Variants in ARHGAP44 observed in about 807,000 individuals in gnomAD.
ARHGAP44 encodes the protein Rho GTPase activating protein 44.
Under a neutral mutation model 106.8 loss-of-function variants are expected in ARHGAP44, and 43 were observed. The ratio of observed to expected loss-of-function variants is 0.40; its 90% CI spans 0.32 to 0.52. The LOEUF is 0.52. Ranked by LOEUF, ARHGAP44 falls within the 20% of genes least tolerant of loss-of-function variation. The pLI is 0.48. For synonymous variants in ARHGAP44, 439 were observed against 410.3 expected (o/e 1.07, Z -0.85); for missense variants, 866 against 1,050.5 (o/e 0.82, Z 2.43).
chr17:12,847,512 CTT>C (rs58514182), intron 1 of ARHGAP44, among the ~76,000 whole-genome samples: 3 of 125,470 alleles, frequency 2.4e-5, no homozygotes, highest in Admixed American at 8.2e-5. Context: ...TACCATCACT[CTT>C]TTTTTTTTTT....
chr17:12,930,739 G>C (rs1029864895), intron 7 of ARHGAP44, among the ~76,000 whole-genome samples: 2 of 152,208 alleles, frequency 1.3e-5, no homozygotes, highest in Non-Finnish European at 2.9e-5. Context: ...TGCCAAAAAT[G>C]TATTCATTTC....
At chr17:12,913,967 T>G (rs1484372287) in intron 4 of ARHGAP44, among the ~76,000 whole-genome samples, 1 of 12,722 alleles carries the variant, frequency 7.9e-5, no homozygotes, top group Non-Finnish European at 1.9e-4. Context: ...AGATTTTGTC[T>G]CAAAAAAAAA....
intron 7 of ARHGAP44, among the ~76,000 whole-genome samples, chr17:12,930,660 A>G (rs2038373140): frequency 6.6e-6 from 1 of 152,184 alleles, no homozygotes; most frequent in African/African-American, 2.4e-5. Flanking sequence ...CTGGATGTGA[A>G]TATCCAAATA....
At chr17:12,889,245 TG>T (rs1317787096) in intron 1 of ARHGAP44, among the ~76,000 whole-genome samples, 1 of 152,258 alleles carries the variant, frequency 6.6e-6, no homozygotes, top group Non-Finnish European at 1.5e-5. Flanking sequence ...GTATTTCTTG[TG>T]TTTGTCTTGT....
At chr17:12,838,780 T>C (rs2035311656) in intron 1 of ARHGAP44, among the ~76,000 whole-genome samples, 1 of 152,158 alleles carries the variant, frequency 6.6e-6, no homozygotes, top group African/African-American at 2.4e-5. Flanking sequence ...CAAGCGATTC[T>C]CCTGCCTCAG....
At chr17:12,907,422 A>G (rs1029982608) in intron 3 of ARHGAP44, among the ~76,000 whole-genome samples, 2 of 152,166 alleles carry the variant, frequency 1.3e-5, no homozygotes, top group Admixed American at 1.3e-4. Flanking sequence ...TAGTTCCAGA[A>G]CGTTTCCATC....
In ARHGAP44 at chr17:12,974,072, T is replaced by C; in HGVS notation, c.1542-17T>C. 1.3e-6 allele frequency: 2 copies of C among 1,554,760 alleles called. No homozygotes were observed. Among genetic ancestry groups the C allele is most frequent in the Non-Finnish European group, 1.7e-6 (2 of 1,148,738 alleles). On this transcript the variant is annotated splice_polypyrimidine_tract_variant and intron_variant, in intron 17 of 20. Transcript: ENST00000379672. ...CTGTTACGCGTGGGTAAGCGGTGTC[T>C]TTGTGTCCCTCGCCAGCATGGGTGT...
chr17:12,865,737 C>T (rs1023328712), intron 1 of ARHGAP44, among the ~76,000 whole-genome samples: 2 of 147,294 alleles, frequency 1.4e-5, no homozygotes, highest in African/African-American at 5.0e-5. Flanking sequence ...TGCAATGAGC[C>T]GAGATTGTGC....
chr17:12,914,082 C>T lies in ARHGAP44; in HGVS notation c.276-1818C>T, dbSNP rs571453360. Among the ~76,000 whole-genome samples the T allele has an allele frequency of 4.6e-5, 7 of 151,716 alleles. No homozygotes were observed. The East Asian group carries it at 9.7e-4, about 21-fold the overall frequency. On this transcript the variant is annotated intron_variant, in intron 4 of 20. Coordinates refer to ENST00000379672, the MANE Select transcript of ARHGAP44 (RefSeq NM_014859.6). ...AAGAGTGAAAATCTGCCTTCACACA[C>T]GTGTGTATATGAAGTTCCTACAAAT...
intron 1 of ARHGAP44, among the ~76,000 whole-genome samples, chr17:12,829,177 T>A (rs991472773): frequency 6.6e-6 from 1 of 152,134 alleles, no homozygotes; most frequent in South Asian, 2.1e-4. Context: ...CCAAACTACC[T>A]GTTCTTCCTA....
intron 1 of ARHGAP44, among the ~76,000 whole-genome samples, chr17:12,868,198 T>C (rs2036290084): frequency 6.6e-6 from 1 of 152,154 alleles, no homozygotes; most frequent in South Asian, 2.1e-4. Flanking sequence ...GTAGATGCCA[T>C]CTTCTCTCTG....
chr17:12,825,140 G>C (rs534179374), intron 1 of ARHGAP44, among the ~76,000 whole-genome samples: 1 of 152,078 alleles, frequency 6.6e-6, no homozygotes, highest in African/African-American at 2.4e-5. Flanking sequence ...AGGCTAAAGT[G>C]ATCCTCCTAC....
chr17:12,828,123 G>A (rs942914271), intron 1 of ARHGAP44, among the ~76,000 whole-genome samples: 6 of 150,834 alleles, frequency 4.0e-5, no homozygotes, highest in African/African-American at 9.8e-5. Flanking sequence ...ATATTTGACC[G>A]TATTTTTGCC....
intron 1 of ARHGAP44, among the ~76,000 whole-genome samples, chr17:12,868,845 A>G (rs1266492413): frequency 1.3e-5 from 2 of 151,118 alleles, no homozygotes; most frequent in Admixed American, 6.6e-5. Flanking sequence ...TTTAGTAGAG[A>G]CAGGGTCTCA....
intron 1 of ARHGAP44, among the ~76,000 whole-genome samples, chr17:12,870,110 G>A (rs566889520): frequency 2.1e-5 from 3 of 145,430 alleles, no homozygotes; most frequent in Middle Eastern, 3.5e-3. Flanking sequence ...GTGCAGTGGC[G>A]TGATCTCAGC....
At chr17:12,905,517 C>T (rs2037521027) in intron 3 of ARHGAP44, among the ~76,000 whole-genome samples, 1 of 152,192 alleles carries the variant, frequency 6.6e-6, no homozygotes, top group South Asian at 2.1e-4. Flanking sequence ...CCTCATGTTC[C>T]TCCAGTGGCC....
intron 18 of ARHGAP44, among the ~76,000 whole-genome samples, chr17:12,976,977 CCATATGGTATTTGG>C: frequency 6.6e-6 from 1 of 151,968 alleles, no homozygotes; most frequent in East Asian, 2.0e-4. Flanking sequence ...GGACTCAGTG[CCATATGGTATTTGG>C]CATATAAATG....
intron 16 of ARHGAP44, among the ~76,000 whole-genome samples, chr17:12,965,346 A>G (rs1388032157): frequency 6.6e-6 from 1 of 152,086 alleles, no homozygotes; most frequent in East Asian, 1.9e-4. Context: ...AGCAACCCGA[A>G]TGGTCTATGG....
chr17:12,931,658 G>A (rs544723877), intron 7 of ARHGAP44, among the ~76,000 whole-genome samples: 7 of 151,848 alleles, frequency 4.6e-5, no homozygotes, highest in South Asian at 4.2e-4. Flanking sequence ...CACCACGCCC[G>A]GCTAATTTTT....
Sources: allele counts gnomAD v4.1 joint callset (sites outside exome capture counted in the v4.1 genomes callset), GRCh38; gene constraint gnomAD v4.1.1; transcripts MANE v1.5; gene names NCBI Gene and HGNC (gene_info 2026-07-23, HGNC 2026-07-21).